LEF1: variants seen among roughly 807,000 people sequenced by gnomAD.
LEF1 encodes the protein lymphoid enhancer binding factor 1.
Under a neutral mutation model 51.2 loss-of-function variants are expected in LEF1, and 14 were observed. That is an observed-to-expected ratio of 0.27 (90% CI 0.18 to 0.43). LEF1 has a LOEUF of 0.43. LEF1 is among the 20% of genes least tolerant of loss of function. The pLI, the probability that LEF1 is intolerant of heterozygous loss-of-function variation, is 1.00. For missense variants in LEF1, 386 were observed against 512.0 expected (o/e 0.75, Z 2.37); for synonymous variants, 185 against 183.2 (o/e 1.01, Z -0.08).
intron 3 of LEF1, among the ~76,000 whole-genome samples, chr4:108,124,902 T>A (rs1056245501): frequency 6.6e-6 from 1 of 152,210 alleles, no homozygotes; most frequent in Non-Finnish European, 1.5e-5. Context: ...GTTTGTTCCA[T>A]ACACTTGGAT....
chr4:108,060,483 T>C (rs1250518589), intron 11 of LEF1, among the ~76,000 whole-genome samples: 1 of 152,028 alleles, frequency 6.6e-6, no homozygotes, highest in Non-Finnish European at 1.5e-5. Context: ...CGCACAAATT[T>C]ATACAAGAGC....
At chr4:108,085,899 T>C (rs1276899180) in intron 4 of LEF1, among the ~76,000 whole-genome samples, 1 of 152,228 alleles carries the variant, frequency 6.6e-6, no homozygotes, top group East Asian at 1.9e-4. Flanking sequence ...TATATACTGC[T>C]TGGAGAAAAA....
At chr4:108,100,268 A>G (rs1023514632) in intron 3 of LEF1, among the ~76,000 whole-genome samples, 1 of 152,206 alleles carries the variant, frequency 6.6e-6, no homozygotes, top group South Asian at 2.1e-4. Context: ...AAGCCAGAAG[A>G]GAACATTTTC....
chr4:108,167,736 C>T lies in LEF1; in HGVS notation c.32G>A (p.Gly11Asp). MPQLSGGGGG[G>D]GGDPELCATD... ...GGCGCAGAGTTCCGGGTCCCCCCCG[C>T]CGCCGCCACCTCCTCCGGAGAGTTG... The change falls in exon 1 of 12, where the codon GGC becomes GAC. Residue 11 changes from glycine (G) to aspartate (D), a missense_variant. Gly to Asp is a moderately conservative substitution (Grantham distance 94, BLOSUM62 -1). This residue lies in a region of LEF1 where 335 missense variants were observed against 390.7 expected (regional missense o/e 0.86). Coordinates refer to ENST00000265165, the MANE Select transcript of LEF1 (RefSeq NM_016269.5). The surrounding 1 kb of genome is among the most constrained non-coding windows in gnomAD (Gnocchi z 5.7). 6.2e-7 allele frequency: 1 copy of T among 1,613,508 alleles called. No individual in the cohort carries two copies. Among genetic ancestry groups the T allele is most frequent in the Non-Finnish European group, 8.5e-7 (1 of 1,180,024 alleles).
At chr4:108,091,871 C>CA (rs1485544796) in intron 3 of LEF1, among the ~76,000 whole-genome samples, 1 of 152,080 alleles carries the variant, frequency 6.6e-6, no homozygotes, top group Non-Finnish European at 1.5e-5. Context: ...CGATAGATTT[C>CA]AAATATACTT....
At chr4:108,070,519 C>A (rs1413216083) in intron 9 of LEF1, 144 bp downstream of exon 9, 1 of 491,550 alleles carries the variant, frequency 2.0e-6, no homozygotes, top group African/African-American at 1.9e-5. Context: ...GCAATATATC[C>A]ATGAAATCCT....
At chr4:108,122,364 A>AT (rs1742233840) in intron 3 of LEF1, among the ~76,000 whole-genome samples, 1 of 151,988 alleles carries the variant, frequency 6.6e-6, no homozygotes, top group Non-Finnish European at 1.5e-5. Flanking sequence ...ATCATGGCGT[A>AT]TTTTTTTCAT....
intron 3 of LEF1, among the ~76,000 whole-genome samples, chr4:108,100,474 G>T (rs1308177392): frequency 1.3e-5 from 2 of 152,142 alleles, no homozygotes; most frequent in Admixed American, 6.5e-5. Context: ...ACTCCACTTT[G>T]TTCCATGTAT....
In LEF1 at chr4:108,064,404, CT is replaced by C. The variant is rs1553948226; in HGVS notation, c.1117-21del. Reference sequence around the variant, plus strand: ...CTTACCCTGGAAGAAGAGAGGTATACTGTCATGTCACAGATTGTACCATGAA... The same window carrying C: ...CTTACCCTGGAAGAAGAGAGGTATACGTCATGTCACAGATTGTACCATGAA... On this transcript the variant is annotated intron_variant, in intron 9 of 11. Transcript: ENST00000265165. The C allele has an allele frequency of 6.3e-7, 1 of 1,587,260 alleles. No homozygotes were observed. The highest frequency in any genetic ancestry group is 8.6e-7 in the Non-Finnish European group (1 of 1,156,672).
At chr4:108,056,346 G>C (rs1383491510) in intron 11 of LEF1, among the ~76,000 whole-genome samples, 1 of 152,094 alleles carries the variant, frequency 6.6e-6, no homozygotes, top group Non-Finnish European at 1.5e-5. Flanking sequence ...TTTCTTTTTG[G>C]CCCAACTGCT....
Position 108,167,931 on chromosome 4 carries a change from C to T in LEF1, c.-164G>A. The T allele has an allele frequency of 4.9e-6, 2 of 406,138 alleles. No homozygotes were observed. Among genetic ancestry groups the T allele is most frequent in the Non-Finnish European group, 8.2e-6 (2 of 242,784 alleles). 25.2% of individuals were successfully genotyped at this position (406,138 alleles called of 1,614,324 possible). A position where few individuals can be genotyped will look rare whatever the true frequency, so the allele number is the denominator to read the frequency against. On this transcript the variant is annotated 5_prime_UTR_variant, in exon 1 of 12. Coordinates refer to ENST00000265165, the MANE Select transcript of LEF1 (RefSeq NM_016269.5). This position sits in a 1 kb window ranked among gnomAD's most constrained non-coding sequence, Gnocchi z 5.7. ...GGGCGAGCGCGGGGCCGCCGGCCGG[C>T]AGCCGGAGCAGCTGCCGCGGCGCCC...
intron 3 of LEF1, among the ~76,000 whole-genome samples, chr4:108,127,760 C>A (rs577409029): frequency 2.0e-5 from 3 of 152,192 alleles, no homozygotes; most frequent in South Asian, 2.1e-4. Context: ...CTTAGAGATG[C>A]AACAGGGGGG....
intron 1 of LEF1, among the ~76,000 whole-genome samples, chr4:108,166,952 GC>G (rs1745438146): frequency 6.6e-6 from 1 of 151,942 alleles, no homozygotes; most frequent in Non-Finnish European, 1.5e-5. Flanking sequence ...ACCCCGCACC[GC>G]CCCCGCAGCC....
At chr4:108,102,495 A>T (rs568957308) in intron 3 of LEF1, among the ~76,000 whole-genome samples, 3 of 151,946 alleles carry the variant, frequency 2.0e-5, no homozygotes, top group Non-Finnish European at 4.4e-5. Context: ...TCACAGAAAA[A>T]CTCAGTTGGA....
At chr4:108,160,990 G>A (rs1745021467) in intron 3 of LEF1, among the ~76,000 whole-genome samples, 1 of 152,162 alleles carries the variant, frequency 6.6e-6, no homozygotes, top group African/African-American at 2.4e-5. Flanking sequence ...CAAGAAGCAG[G>A]ATGCCAAGGG....
chr4:108,058,896 T>G (rs898914464), intron 11 of LEF1, among the ~76,000 whole-genome samples: 1 of 152,204 alleles, frequency 6.6e-6, no homozygotes, highest in Non-Finnish European at 1.5e-5. Context: ...GTCTTCCAGC[T>G]GGACAAAGGA....
intron 3 of LEF1, among the ~76,000 whole-genome samples, chr4:108,140,524 C>T (rs76183486): frequency 0.026 from 3,909 of 152,246 alleles, 157 homozygotes; most frequent in African/African-American, 0.089. Flanking sequence ...GCAGCTCTCA[C>T]GCCTCTGATG....
chr4:108,161,253 C>A (rs950043419), intron 3 of LEF1, among the ~76,000 whole-genome samples: 1 of 151,878 alleles, frequency 6.6e-6, no homozygotes, highest in Non-Finnish European at 1.5e-5. Context: ...TTCGGTTGGA[C>A]CCTAAAAAAA....
chr4:108,084,641 A>G (rs1385278053), intron 4 of LEF1, among the ~76,000 whole-genome samples: 4 of 152,230 alleles, frequency 2.6e-5, no homozygotes, highest in Admixed American at 6.5e-5. Context: ...TGGGAAAGAA[A>G]AAAGTTCTTT....
Sources: gnomAD v4.1 joint callset for allele counts (sites outside exome capture counted in the v4.1 genomes callset) on GRCh38, gnomAD v4.1.1 for gene constraint, gnomAD v4.1.1 regional missense constraint, Gnocchi (gnomAD v3.1) non-coding constraint, MANE v1.5 for transcripts, NCBI Gene and HGNC (gene_info 2026-07-23, HGNC 2026-07-21) for gene names.